Variants in HFM1 observed in about 807,000 individuals in gnomAD.
HFM1 encodes the protein helicase for meiosis 1, also known as probable ATP-dependent DNA helicase HFM1.
A neutral mutation model predicts 192.1 loss-of-function variants in HFM1; 169 were observed. The ratio of observed to expected loss-of-function variants is 0.88; its 90% CI spans 0.78 to 1.00. The LOEUF is 1.00. Ranked by LOEUF, HFM1 falls within the 50% of genes least tolerant of loss-of-function variation. The pLI, the probability that HFM1 is intolerant of heterozygous loss-of-function variation, is 0.00. For missense variants in HFM1, 1,661 were observed against 1,668.0 expected (o/e 1.00, Z 0.07); for synonymous variants, 525 against 537.8 (o/e 0.98, Z 0.33).
chr1:91,325,271 GCTCTCAGACAGT>G (rs571064740), intron 20 of HFM1, among the ~76,000 whole-genome samples: 4 of 152,156 alleles, frequency 2.6e-5, no homozygotes, highest in South Asian at 4.1e-4. Flanking sequence ...CCAATCCCTG[GCTCTCAGACAGT>G]CTCTCAGACA....
intron 38 of HFM1, 45 bp downstream of exon 38, chr1:91,262,194 AAG>A (rs1425876213): frequency 1.1e-6 from 1 of 875,450 alleles, no homozygotes; most frequent in Non-Finnish European, 1.7e-6. Flanking sequence ...TCTTTGTGAA[AAG>A]TTTTTTATTG....
chr1:91,377,521 G>A lies in HFM1; in HGVS notation c.1395+504C>T, dbSNP rs368881311. The stretch of plus-strand genomic sequence containing the variant: ...TTATGGAAAGTATAATAGTGCACAT[G>A]ATTATTTCTTTACATGTCCATGTAC... On this transcript the variant is annotated intron_variant, in intron 11 of 38. Coordinates refer to ENST00000370425, the MANE Select transcript of HFM1 (RefSeq NM_001017975.6). 5.5e-4 allele frequency: 84 copies of A among 153,682 alleles called. 3 individuals carry two copies. In the South Asian group the frequency reaches 0.016, roughly 29 times the overall value. 9.5% of individuals were successfully genotyped at this position (153,682 alleles called of 1,614,324 possible). A position where few individuals can be genotyped will look rare whatever the true frequency, so the allele number is the denominator to read the frequency against.
At chr1:91,354,380 G>T (rs1415296045) in intron 13 of HFM1, among the ~76,000 whole-genome samples, 1 of 152,014 alleles carries the variant, frequency 6.6e-6, no homozygotes, top group East Asian at 1.9e-4. Flanking sequence ...TATTATGGAG[G>T]TTCCAGAAGG....
chr1:91,330,398 T>C (rs1653642644), intron 20 of HFM1, among the ~76,000 whole-genome samples: 1 of 151,934 alleles, frequency 6.6e-6, no homozygotes, highest in Non-Finnish European at 1.5e-5. Flanking sequence ...TATTGGAAAA[T>C]CTAGAAGAAA....
intron 20 of HFM1, among the ~76,000 whole-genome samples, chr1:91,326,262 A>G (rs963004553): frequency 6.6e-6 from 1 of 152,308 alleles, no homozygotes; most frequent in East Asian, 1.9e-4. Flanking sequence ...AAGTAAAAGA[A>G]GGTTATAGAA....
intron 29 of HFM1, 94 bp downstream of exon 29, chr1:91,313,863 T>C: frequency 1.5e-6 from 1 of 656,852 alleles, no homozygotes; most frequent in Admixed American, 2.8e-5. Context: ...CATAATACCA[T>C]TTATACTGTT....
chr1:91,406,214 T>C (rs1664804622), upstream of HFM1, among the ~76,000 whole-genome samples: 1 of 152,232 alleles, frequency 6.6e-6, no homozygotes, highest in South Asian at 2.1e-4. Context: ...ACTGTGATCT[T>C]GGACTTCTCA....
intron 2 of HFM1, among the ~76,000 whole-genome samples, chr1:91,400,261 T>A (rs1664150710): frequency 6.6e-6 from 1 of 152,184 alleles, no homozygotes; most frequent in Non-Finnish European, 1.5e-5. Flanking sequence ...AGTCTTGTTT[T>A]CTTTGGTCTC....
At chr1:91,369,299 C>T (rs1427282732) in intron 13 of HFM1, among the ~76,000 whole-genome samples, 1 of 152,140 alleles carries the variant, frequency 6.6e-6, no homozygotes, top group African/African-American at 2.4e-5. Flanking sequence ...AATATACATT[C>T]TTTTCAGCAC....
intron 1 of HFM1, chr1:91,404,582 GCTTT>G (rs1238013234): frequency 3.9e-6 from 1 of 259,318 alleles, no homozygotes; most frequent in East Asian, 1.7e-4. Context: ...AGGCCTCACC[GCTTT>G]CTGACTGGAA....
At chr1:91,270,875 G>A (rs1666225264) in intron 34 of HFM1, among the ~76,000 whole-genome samples, 1 of 152,146 alleles carries the variant, frequency 6.6e-6, no homozygotes, top group Non-Finnish European at 1.5e-5. Context: ...TAGGGTATAA[G>A]GAAGCGATGA....
In HFM1 at chr1:91,375,653, T is replaced by C; in HGVS notation, c.1470A>G (p.Lys490=). ...GAAATCCAAGGACCACTTTCTGAAG[T>C]TTCACTGGTCTATGGCTCTCATCCA... The part of the protein sequence containing the change: ...LKMDESHRPV[K]LQKVVLGFPC... Residue 490 remains lysine, a synonymous_variant, in exon 12 of 39, where the codon AAA becomes AAG. Transcript: ENST00000370425. 7 of 1,613,434 alleles carry C rather than the reference T, an allele frequency of 4.3e-6. No individual in the cohort carries two copies. Among genetic ancestry groups the C allele is most frequent in the Non-Finnish European group, 5.9e-6 (7 of 1,179,558 alleles).
At chr1:91,374,055 G>C (rs1025981029) in intron 13 of HFM1, among the ~76,000 whole-genome samples, 2 of 152,120 alleles carry the variant, frequency 1.3e-5, no homozygotes, top group Non-Finnish European at 2.9e-5. Context: ...GATGGCTATG[G>C]AAAACTGATA....
intron 11 of HFM1, 91 bp from the exon 12 acceptor site, chr1:91,375,818 A>C (rs1660836659): frequency 1.1e-6 from 1 of 925,374 alleles, no homozygotes; most frequent in African/African-American, 1.7e-5. Context: ...TTTAAGGTCA[A>C]GCTATAAAAG....
chr1:91,267,432 T>G (rs1665868460), intron 35 of HFM1, among the ~76,000 whole-genome samples: 1 of 152,148 alleles, frequency 6.6e-6, no homozygotes, highest in Non-Finnish European at 1.5e-5. Context: ...GAGAACAAAA[T>G]AGTCTGTTTC....
At chr1:91,321,297 A>G (rs939287496) in intron 23 of HFM1, among the ~76,000 whole-genome samples, 1 of 152,144 alleles carries the variant, frequency 6.6e-6, no homozygotes, top group Non-Finnish European at 1.5e-5. Flanking sequence ...TACAAAAATT[A>G]GCCAGGTGTG....
At chr1:91,391,276 C>A (rs1331339382) in intron 4 of HFM1, among the ~76,000 whole-genome samples, 7 of 152,184 alleles carry the variant, frequency 4.6e-5, no homozygotes, top group African/African-American at 1.4e-4. Context: ...GGAACCAAAA[C>A]AGAGCCCGCA....
intron 30 of HFM1, among the ~76,000 whole-genome samples, chr1:91,305,734 C>CT (rs936280451): frequency 6.6e-6 from 1 of 151,712 alleles, no homozygotes; most frequent in African/African-American, 2.4e-5. Flanking sequence ...CACCTGGCTA[C>CT]TTTTTTCTAT....
At chr1:91,308,365 T>C (rs899740140) in intron 30 of HFM1, among the ~76,000 whole-genome samples, 9 of 152,224 alleles carry the variant, frequency 5.9e-5, no homozygotes, top group Non-Finnish European at 1.0e-4. Flanking sequence ...TTGAATCTAA[T>C]GTTAAGCCTA....
Sources: gnomAD v4.1 joint callset for allele counts (sites outside exome capture counted in the v4.1 genomes callset) on GRCh38, gnomAD v4.1.1 for gene constraint, MANE v1.5 for transcripts, NCBI Gene and HGNC (gene_info 2026-07-23, HGNC 2026-07-21) for gene names.